BAZ1A: variants seen among roughly 807,000 people sequenced by gnomAD.
BAZ1A encodes bromodomain adjacent to zinc finger domain protein 1A.
A neutral mutation model predicts 185.2 loss-of-function variants in BAZ1A; 50 were observed. That is an observed-to-expected ratio of 0.27 (90% confidence interval 0.22 to 0.34). The LOEUF is 0.34. Among genes scored for constraint, BAZ1A ranks in the 10% least tolerant of loss-of-function variants. BAZ1A has a pLI of 1.00. For missense variants in BAZ1A, 1,356 were observed against 1,839.9 expected (o/e 0.74, Z 4.81); for synonymous variants, 571 against 615.6 (o/e 0.93, Z 1.07).
chr14:34,842,063 C>T (rs1193556615), intron 3 of BAZ1A, among the ~76,000 whole-genome samples: 3 of 152,130 alleles, frequency 2.0e-5, no homozygotes, highest in African/African-American at 7.2e-5. Context: ...GCACTAGAAT[C>T]TAAGTCACAA....
At chr14:34,819,432 T>C (rs10131094) in intron 4 of BAZ1A, among the ~76,000 whole-genome samples, 87,458 of 152,000 alleles carry the variant, frequency 0.58, 25,451 homozygotes, top group South Asian at 0.67. Flanking sequence ...TTTTCCAGAA[T>C]GTCATAGTTG....
At chr14:34,866,141 T>C (rs548491251) in intron 2 of BAZ1A, among the ~76,000 whole-genome samples, 34 of 152,010 alleles carry the variant, frequency 2.2e-4, no homozygotes, top group Non-Finnish European at 3.5e-4. Context: ...TGAGCTATAA[T>C]TACACCACTG....
At chr14:34,819,410 C>T (rs537938360) in intron 4 of BAZ1A, among the ~76,000 whole-genome samples, 2 of 152,254 alleles carry the variant, frequency 1.3e-5, no homozygotes, top group African/African-American at 4.8e-5. Flanking sequence ...TTACTGTCTC[C>T]ATAGCTGTGC....
intron 2 of BAZ1A, among the ~76,000 whole-genome samples, chr14:34,865,453 CT>C (rs911514941): frequency 1.3e-5 from 2 of 152,104 alleles, no homozygotes; most frequent in Admixed American, 6.6e-5. Context: ...AGTACTTAAA[CT>C]GTTATATGTC....
Position 34,806,955 on chromosome 14 carries a change from CCCAGGCTGGTCT to C in BAZ1A, c.726+484_726+495del, listed in dbSNP as rs893005013. ...TGTAGATACAGGGTTTGCCATGTTT[CCCAGGCTGGTCT>C]CCAGGCTGGTCTCCTGGGCTCAAGC... On this transcript the variant is annotated intron_variant, in intron 6 of 26. Transcript: ENST00000360310. 4.0e-5 allele frequency among the ~76,000 whole-genome samples: 6 copies of C among 150,724 alleles called. No homozygotes were observed. The East Asian group carries it at 5.8e-4, about 15-fold the overall frequency.
intron 23 of BAZ1A, among the ~76,000 whole-genome samples, chr14:34,763,313 G>A (rs1878552379): frequency 6.6e-6 from 1 of 151,904 alleles, no homozygotes; most frequent in African/African-American, 2.4e-5. Flanking sequence ...CAGATGGGGT[G>A]GCTCTATCTC....
At chr14:34,779,480 A>G (rs909316120) in intron 17 of BAZ1A, among the ~76,000 whole-genome samples, 2 of 152,058 alleles carry the variant, frequency 1.3e-5, no homozygotes, top group African/African-American at 4.8e-5. Context: ...AATCAATTGC[A>G]TTGTAATCAG....
intron 2 of BAZ1A, among the ~76,000 whole-genome samples, chr14:34,869,808 T>G (rs950086156): frequency 5.9e-5 from 9 of 152,180 alleles, no homozygotes; most frequent in Non-Finnish European, 1.3e-4. Context: ...GGGCTGACCT[T>G]GTAATCTGTT....
At chr14:34,840,557 G>A (rs191721249) in intron 3 of BAZ1A, among the ~76,000 whole-genome samples, 54 of 152,136 alleles carry the variant, frequency 3.5e-4, no homozygotes, top group Non-Finnish European at 7.2e-4. Flanking sequence ...TCAGAAATTC[G>A]AGACTAGCCT....
At chr14:34,787,727 C>T (rs2138621936) in intron 12 of BAZ1A, among the ~76,000 whole-genome samples, 1 of 152,208 alleles carries the variant, frequency 6.6e-6, no homozygotes, top group South Asian at 2.1e-4. Context: ...AGGAAGATTT[C>T]CCTGAATTTT....
Position 34,780,292 on chromosome 14 carries a change from A to G in BAZ1A, c.2130T>C (p.Asp710=). ...CTTTGCTCTCAATGCTAGTATCAAA[A>G]TCTTCCCTTTCTTCCTCCCTTTAGG... ...DISIGEEERE[D]FDTSIESKDT... is the part of the protein sequence containing the mutation. Residue 710 remains aspartate, a synonymous_variant, in exon 17 of 27, where the codon GAT becomes GAC. Coordinates refer to ENST00000360310, the MANE Select transcript of BAZ1A (RefSeq NM_013448.3). The G allele has an allele frequency of 6.2e-7, 1 of 1,611,946 alleles. No individual in the cohort carries two copies.
chr14:34,753,638 C>T lies in BAZ1A; in HGVS notation c.4541G>A (p.Ser1514Asn). The T allele has an allele frequency of 1.2e-6, 2 of 1,613,894 alleles. No homozygotes were observed. Among genetic ancestry groups the T allele is most frequent in the Non-Finnish European group, 1.7e-6 (2 of 1,179,854 alleles). The part of the protein sequence containing the change: ...NCFEYNPRNT[S>N]EAKAGTRLQA... ...AAGCCTAGTTCCAGCTTTTGCTTCA[C>T]TTGTGTTACGAGGGTTGTATTCAAA... The change falls in exon 27 of 27, where the codon AGT becomes AAT. Residue 1514 changes from serine to asparagine, a missense_variant. Ser to Asn is a conservative substitution (Grantham distance 46). Around this residue, in one of 7 missense-constraint regions of BAZ1A, gnomAD observed 61 missense variants for 117.9 expected, o/e 0.52. Coordinates refer to ENST00000360310, the MANE Select transcript of BAZ1A (RefSeq NM_013448.3).
intron 9 of BAZ1A, among the ~76,000 whole-genome samples, chr14:34,797,763 G>A (rs1436273355): frequency 6.6e-6 from 1 of 152,174 alleles, no homozygotes; most frequent in Non-Finnish European, 1.5e-5. Context: ...GGTGATTTCT[G>A]CATTTCCAAC....
chr14:34,764,174 C>G (rs77762390), intron 23 of BAZ1A, among the ~76,000 whole-genome samples: 9,650 of 152,066 alleles, frequency 0.063, 416 homozygotes, highest in Non-Finnish European at 0.099. Flanking sequence ...ATTTATCACT[C>G]TCTCTCAGAT....
intron 2 of BAZ1A, among the ~76,000 whole-genome samples, chr14:34,870,820 C>G (rs927706323): frequency 3.9e-5 from 6 of 152,168 alleles, no homozygotes; most frequent in Non-Finnish European, 8.8e-5. Flanking sequence ...ACTCCCCACC[C>G]CAACTTGTTT....
chr14:34,865,398 A>AT (rs754808801), intron 2 of BAZ1A, among the ~76,000 whole-genome samples: 50 of 151,882 alleles, frequency 3.3e-4, no homozygotes, highest in Non-Finnish European at 5.9e-4. Flanking sequence ...TTATTCTTCA[A>AT]TTTTTTCTCC....
chr14:34,818,645 A>T (rs961988139), intron 4 of BAZ1A, among the ~76,000 whole-genome samples: 4 of 152,170 alleles, frequency 2.6e-5, no homozygotes, highest in Admixed American at 2.0e-4. Context: ...TAAATAATTC[A>T]TAAGTTTTAA....
At chr14:34,839,920 A>T (rs1457172810) in intron 3 of BAZ1A, among the ~76,000 whole-genome samples, 3 of 151,442 alleles carry the variant, frequency 2.0e-5, no homozygotes, top group African/African-American at 7.3e-5. Flanking sequence ...ACAATTAAAA[A>T]TTTTTTTAAG....
chr14:34,793,886 G>C (rs541781562), intron 11 of BAZ1A, among the ~76,000 whole-genome samples: 42 of 151,982 alleles, frequency 2.8e-4, no homozygotes, highest in Non-Finnish European at 5.4e-4. Context: ...AGGTTGCAGT[G>C]AGCCAAGATC....
Sources: gnomAD v4.1 joint callset for allele counts (sites outside exome capture counted in the v4.1 genomes callset) on GRCh38, gnomAD v4.1.1 for gene constraint, gnomAD v4.1.1 regional missense constraint, MANE v1.5 for transcripts, NCBI Gene and HGNC (gene_info 2026-07-23, HGNC 2026-07-21) for gene names.